The following GPC5 variants were observed in gnomAD, a reference collection of about 807,000 sequenced individuals.
GPC5 encodes glypican 5.
In GPC5, 47 loss-of-function variants were observed where a neutral mutation model predicts 53.9. That is an observed-to-expected ratio of 0.87 (90% CI 0.69 to 1.11). GPC5 has a LOEUF of 1.11. Among genes scored for constraint, GPC5 ranks in the 50% most tolerant of loss-of-function variants. The pLI is 0.00. For synonymous variants in GPC5, 286 were observed against 263.3 expected (o/e 1.09, Z -0.84); for missense variants, 748 against 713.1 (o/e 1.05, Z -0.56).
chr13:91,580,128 G>T (rs770736151), intron 2 of GPC5, among the ~76,000 whole-genome samples: 63 of 152,172 alleles, frequency 4.1e-4, no homozygotes, highest in Non-Finnish European at 9.1e-4. Context: ...GCGGCTCACT[G>T]CAAGCTCCGC....
intron 6 of GPC5, among the ~76,000 whole-genome samples, chr13:91,954,541 T>G (rs1167864506): frequency 1.1e-5 from 1 of 94,364 alleles, no homozygotes; most frequent in African/African-American, 5.1e-5. Flanking sequence ...TTGATAAAAT[T>G]TAACTTCCAC....
chr13:92,841,744 A>G (rs1238116219), intron 7 of GPC5, among the ~76,000 whole-genome samples: 1 of 152,108 alleles, frequency 6.6e-6, no homozygotes, highest in Non-Finnish European at 1.5e-5. Context: ...ATTAGTTGTC[A>G]TATTTCTTGA....
At chr13:92,641,337 A>G (rs1360469146) in intron 7 of GPC5, among the ~76,000 whole-genome samples, 1 of 152,150 alleles carries the variant, frequency 6.6e-6, no homozygotes, top group Non-Finnish European at 1.5e-5. Flanking sequence ...AGAACACATC[A>G]ATCAAGCTCA....
intron 5 of GPC5, among the ~76,000 whole-genome samples, chr13:91,807,117 C>A (rs1480660483): frequency 2.0e-5 from 3 of 152,138 alleles, no homozygotes; most frequent in Admixed American, 6.5e-5. Flanking sequence ...CTCCTACTCC[C>A]AACCAGATTA....
At chr13:92,287,747 G>T (rs1290965236) in intron 7 of GPC5, among the ~76,000 whole-genome samples, 2 of 152,104 alleles carry the variant, frequency 1.3e-5, no homozygotes, top group African/African-American at 2.4e-5. Flanking sequence ...ATGTGTCTCA[G>T]TGTAAGATCC....
intron 7 of GPC5, among the ~76,000 whole-genome samples, chr13:92,601,206 A>G (rs1407938688): frequency 1.3e-5 from 2 of 152,156 alleles, no homozygotes; most frequent in Non-Finnish European, 2.9e-5. Flanking sequence ...TACTAAGCTT[A>G]TTTTATTGTA....
chr13:92,385,670 T>C (rs1874652609), intron 7 of GPC5, among the ~76,000 whole-genome samples: 1 of 144,008 alleles, frequency 6.9e-6, no homozygotes. Context: ...TATACATATA[T>C]ACATATATAC....
chr13:91,628,768 T>C (rs564453227), intron 2 of GPC5, among the ~76,000 whole-genome samples: 1 of 152,306 alleles, frequency 6.6e-6, no homozygotes, highest in Admixed American at 6.5e-5. Context: ...TAGTGTTGTC[T>C]TCTCAGTGCT....
chr13:92,168,938 A>G (rs1237411777), intron 7 of GPC5, among the ~76,000 whole-genome samples: 13 of 152,140 alleles, frequency 8.5e-5, no homozygotes, highest in Non-Finnish European at 4.4e-5. Flanking sequence ...AACCCACCCC[A>G]ACAGTTATAG....
intron 6 of GPC5, among the ~76,000 whole-genome samples, chr13:92,003,584 G>C (rs1304351462): frequency 6.6e-6 from 1 of 151,930 alleles, no homozygotes; most frequent in African/African-American, 2.4e-5. Flanking sequence ...ATCTAGTAAG[G>C]CTAAATTGTA....
intron 7 of GPC5, among the ~76,000 whole-genome samples, chr13:92,417,987 G>T (rs867616368): frequency 6.6e-6 from 1 of 152,084 alleles, no homozygotes; most frequent in Admixed American, 6.6e-5. Context: ...ATAAAAACAG[G>T]TAAAGTAGAT....
At chr13:92,538,638 G>A (rs547923376) in intron 7 of GPC5, among the ~76,000 whole-genome samples, 2 of 142,996 alleles carry the variant, frequency 1.4e-5, no homozygotes, top group South Asian at 4.6e-4. Context: ...GCAGGCCCCG[G>A]TGTGTGATGT....
intron 7 of GPC5, among the ~76,000 whole-genome samples, chr13:92,809,464 T>C (rs1317768826): frequency 1.3e-5 from 2 of 152,104 alleles, no homozygotes; most frequent in East Asian, 3.9e-4. Flanking sequence ...TGTCAAAAAT[T>C]ATAGATTAAA....
chr13:91,693,766 T>C lies in GPC5; in HGVS notation c.905T>C (p.Leu302Pro). ...WHAYIRSLEE[L>P]SDAMHGTYDI... ...GCATATATCCGGTCGTTGGAAGAAC[T>C]CTCGGATGCAATGCATGGAACATAC... The change falls in exon 3 of 8, where the codon CTC (leucine) becomes CCC (proline). Residue 302 changes from leucine (L) to proline (P), a missense_variant. Leu to Pro is a moderately conservative substitution (Grantham distance 98). Coordinates refer to ENST00000377067, the MANE Select transcript of GPC5 (RefSeq NM_004466.6). The C allele has an allele frequency of 6.2e-7, 1 of 1,614,108 alleles. No individual in the cohort carries two copies. The highest frequency in any genetic ancestry group is 8.5e-7 in the Non-Finnish European group (1 of 1,180,010).
intron 7 of GPC5, among the ~76,000 whole-genome samples, chr13:92,412,594 A>C (rs1876095331): frequency 6.6e-6 from 1 of 152,188 alleles, no homozygotes; most frequent in African/African-American, 2.4e-5. Context: ...ATAAATTTTT[A>C]TTGAAACATA....
In GPC5 at chr13:91,577,790, A is replaced by G. The variant is rs552092851; in HGVS notation, c.326-115397A>G. ...AAAATGGGCATTCCTTGTCTTTTTC[A>G]TAGTCTCCTGACACCTCTTACCCTT... On this transcript the variant is annotated intron_variant, in intron 2 of 7. Transcript: ENST00000377067. Among the ~76,000 whole-genome samples, 16 of 152,312 alleles carry G rather than the reference A, an allele frequency of 1.1e-4. No homozygotes were observed. In the South Asian group the frequency reaches 3.3e-3, roughly 32 times the overall value.
rs749704716 is a variant in GPC5, at chr13:92,584,070, G to T, written c.1562-282212G>T. Reference sequence around the variant, plus strand: ...TTTTAGATATGTCTTTATCAGCAGCGTGAAAAGGGACTAATACAGTACATT... The same window carrying T: ...TTTTAGATATGTCTTTATCAGCAGCTTGAAAAGGGACTAATACAGTACATT... On this transcript the variant is annotated intron_variant, in intron 7 of 7. Transcript: ENST00000377067. 3.9e-5 allele frequency among the ~76,000 whole-genome samples: 6 copies of T among 152,168 alleles called. No individual in the cohort carries two copies. The South Asian group carries it at 1.0e-3, about 26-fold the overall frequency.
chr13:91,862,097 T>A (rs1225851397), intron 5 of GPC5, among the ~76,000 whole-genome samples: 1 of 152,162 alleles, frequency 6.6e-6, no homozygotes, highest in East Asian at 1.9e-4. Flanking sequence ...GTATTTTCTG[T>A]TACTCATATA....
chr13:92,492,368 A>G (rs747288054), intron 7 of GPC5, among the ~76,000 whole-genome samples: 9 of 151,994 alleles, frequency 5.9e-5, no homozygotes, highest in Non-Finnish European at 1.3e-4. Context: ...GGGGAGGGAT[A>G]GCAATAGGAG....
Sources: allele counts gnomAD v4.1 joint callset (sites outside exome capture counted in the v4.1 genomes callset), GRCh38; gene constraint gnomAD v4.1.1; transcripts MANE v1.5; gene names NCBI Gene and HGNC (gene_info 2026-07-23, HGNC 2026-07-21).